CDK8: variants seen among roughly 807,000 people sequenced by gnomAD.
CDK8 encodes cyclin-dependent kinase 8.
CDK8 carries 29 observed loss-of-function variants against 71.5 expected under a neutral mutation model. The observed-to-expected ratio is 0.41, with a 90% confidence interval of 0.30 to 0.55. CDK8 has a LOEUF of 0.55. Among genes scored for constraint, CDK8 ranks in the 20% least tolerant of loss-of-function variants. The pLI, the probability that CDK8 is intolerant of heterozygous loss-of-function variation, is 0.37. For missense variants in CDK8, 288 were observed against 572.6 expected, an observed-to-expected ratio of 0.50 and a Z score of 5.07; for synonymous variants, 161 against 192.1, an observed-to-expected ratio of 0.84 and a Z score of 1.34.
At chr13:26,304,396 T>G (rs564794062) in intron 1 of CDK8, among the ~76,000 whole-genome samples, 1 of 152,294 alleles carries the variant, frequency 6.6e-6, no homozygotes, top group East Asian at 1.9e-4. Flanking sequence ...TCTTTCATGC[T>G]TTCTATTTAT....
chr13:26,317,881 G>A (rs921667138), intron 1 of CDK8, among the ~76,000 whole-genome samples: 1 of 151,874 alleles, frequency 6.6e-6, no homozygotes, highest in African/African-American at 2.4e-5. Flanking sequence ...GCTAGAAAAA[G>A]AAGAACAAAC....
At chr13:26,282,849 C>A (rs1417134786) in intron 1 of CDK8, among the ~76,000 whole-genome samples, 1 of 131,130 alleles carries the variant, frequency 7.6e-6, no homozygotes, top group African/African-American at 2.7e-5. Context: ...CTCACATAAA[C>A]TTAAGGTAAA....
chr13:26,264,206 G>C (rs1871920431), intron 1 of CDK8, among the ~76,000 whole-genome samples: 1 of 152,032 alleles, frequency 6.6e-6, no homozygotes, highest in Non-Finnish European at 1.5e-5. Context: ...TTTTTAAAGT[G>C]TAAAATTAAA....
chr13:26,377,645 T>C (rs1363477516), intron 4 of CDK8, among the ~76,000 whole-genome samples: 1 of 152,188 alleles, frequency 6.6e-6, no homozygotes, highest in Non-Finnish European at 1.5e-5. Context: ...ACTTCAGTAT[T>C]AGAGGTAAAA....
At chr13:26,295,930 T>C (rs766858643) in intron 1 of CDK8, among the ~76,000 whole-genome samples, 7 of 152,176 alleles carry the variant, frequency 4.6e-5, no homozygotes, top group Non-Finnish European at 2.9e-5. Context: ...TTTTGTATCA[T>C]GGTCGTTTGT....
At chr13:26,389,348 C>T (rs1875631989) in intron 6 of CDK8, among the ~76,000 whole-genome samples, 1 of 151,938 alleles carries the variant, frequency 6.6e-6, no homozygotes, top group Non-Finnish European at 1.5e-5. Flanking sequence ...TTAGTAGAGA[C>T]AGGGTTTTGC....
intron 5 of CDK8, among the ~76,000 whole-genome samples, chr13:26,383,160 G>A (rs1164162876): frequency 6.6e-6 from 1 of 152,196 alleles, no homozygotes; most frequent in African/African-American, 2.4e-5. Context: ...ATCTCTGTTA[G>A]AGGCCAGCCT....
chr13:26,355,324 T>C (rs1364651668), intron 4 of CDK8, among the ~76,000 whole-genome samples: 4 of 152,302 alleles, frequency 2.6e-5, no homozygotes, highest in East Asian at 3.9e-4. Context: ...CTTATAAAAA[T>C]AGATTTACAG....
chr13:26,378,205 C>T (rs1875045119), intron 4 of CDK8, among the ~76,000 whole-genome samples: 1 of 152,162 alleles, frequency 6.6e-6, no homozygotes, highest in South Asian at 2.1e-4. Flanking sequence ...CTTCATCAAC[C>T]CAGTTCTTGT....
chr13:26,394,977 A>G (rs542851770), intron 7 of CDK8, among the ~76,000 whole-genome samples: 1 of 152,342 alleles, frequency 6.6e-6, no homozygotes, highest in African/African-American at 2.4e-5. Flanking sequence ...TTTTATAGGA[A>G]GTGTATAAGC....
At position 26,332,488 on chromosome 13, in the gene CDK8, C is replaced by CATACAT. The variant is rs1555230523; in HGVS notation, c.129-5076_129-5075insCATATA. Among the ~76,000 whole-genome samples the CATACAT allele has an allele frequency of 5.1e-4, 76 of 148,310 alleles. No individual in the cohort carries two copies. The East Asian group carries it at 8.5e-3, about 17-fold the overall frequency. ...CAACAGAGCAAGACTCCATATAATA[C>CATACAT]ATATATATATATATAAAATCATATC... On this transcript the variant is annotated intron_variant, in intron 1 of 12. Coordinates refer to ENST00000381527, the MANE Select transcript of CDK8 (RefSeq NM_001260.3).
At chr13:26,336,924 T>A (rs1873017613) in intron 1 of CDK8, among the ~76,000 whole-genome samples, 1 of 152,132 alleles carries the variant, frequency 6.6e-6, no homozygotes, top group Non-Finnish European at 1.5e-5. Context: ...ACTTGCCATA[T>A]CATAGCACTT....
chr13:26,259,523 T>A (rs1335967323), intron 1 of CDK8, among the ~76,000 whole-genome samples: 1 of 152,188 alleles, frequency 6.6e-6, no homozygotes, highest in African/African-American at 2.4e-5. Context: ...TCTGTGGATT[T>A]TGGGGGACGG....
At chr13:26,367,198 A>AAAAC (rs561249293) in intron 4 of CDK8, among the ~76,000 whole-genome samples, 3 of 152,190 alleles carry the variant, frequency 2.0e-5, no homozygotes, top group Admixed American at 1.3e-4. Context: ...AAATGTCTGA[A>AAAAC]AAACAAACAA....
chr13:26,322,892 G>T (rs1016071891), intron 1 of CDK8, among the ~76,000 whole-genome samples: 2 of 151,944 alleles, frequency 1.3e-5, no homozygotes, highest in African/African-American at 2.4e-5. Flanking sequence ...TATATCTTTG[G>T]CATTTGCCAA....
rs190982804 is a variant in CDK8 at position 26,377,380 on chromosome 13, G to A, written c.457-5434G>A. On this transcript the variant is annotated intron_variant, in intron 4 of 12. Transcript: ENST00000381527. ...CTTAGAGGGCAGGAACTGTTTGTTT[G>A]TGTCTCTGTTGATCCTCAGTGCCTC... 1.6e-3 allele frequency among the ~76,000 whole-genome samples: 241 copies of A among 152,332 alleles called. 4 individuals carry two copies. Among genetic ancestry groups the A allele is most frequent in the Non-Finnish European group, 6.6e-4 (45 of 68,030 alleles).
intron 1 of CDK8, among the ~76,000 whole-genome samples, chr13:26,271,806 CTTTTTTTTTTTTTTTTTTTTT>C (rs58160694): frequency 1.8e-4 from 11 of 62,670 alleles, no homozygotes; most frequent in East Asian, 5.3e-4. Flanking sequence ...GAGACCCTGT[CTTTTTTTTTTTTTTTTTTTTT>C]TTTTTTTTTT....
chr13:26,330,472 T>C (rs1381022120), intron 1 of CDK8, among the ~76,000 whole-genome samples: 1 of 152,240 alleles, frequency 6.6e-6, no homozygotes, highest in African/African-American at 2.4e-5. Flanking sequence ...CCCCAAGTGC[T>C]GGGATTACAG....
At chr13:26,268,947 A>AT (rs1339339780) in intron 1 of CDK8, among the ~76,000 whole-genome samples, 2 of 151,530 alleles carry the variant, frequency 1.3e-5, no homozygotes, top group East Asian at 1.9e-4. Context: ...CCTACTCCTG[A>AT]TTTTTTTCCT....
Sources: allele counts gnomAD v4.1 joint callset (sites outside exome capture counted in the v4.1 genomes callset), GRCh38; gene constraint gnomAD v4.1.1; transcripts MANE v1.5; gene names NCBI Gene and HGNC (gene_info 2026-07-23, HGNC 2026-07-21).